NUBPL: variants seen among roughly 807,000 people sequenced by gnomAD.
The protein encoded by NUBPL is iron-sulfur cluster transfer protein NUBPL.
In NUBPL, 31 loss-of-function variants were observed where a neutral mutation model predicts 45.7. The observed-to-expected ratio is 0.68, with a 90% CI of 0.51 to 0.92. NUBPL has a LOEUF of 0.92. NUBPL is among the 40% of genes least tolerant of loss of function. The probability of loss-of-function intolerance (pLI) is 0.00; values close to 1 mark genes in which losing one functional copy is unlikely to be tolerated. For synonymous variants in NUBPL, 144 were observed against 140.9 expected (o/e 1.02, Z -0.15); for missense variants, 401 against 398.7 (o/e 1.01, Z -0.05).
intron 4 of NUBPL, among the ~76,000 whole-genome samples, chr14:31,613,863 C>T (rs1474383496): frequency 6.6e-6 from 1 of 151,258 alleles, no homozygotes; most frequent in African/African-American, 2.4e-5. Flanking sequence ...GTCTCATGTA[C>T]CCCATAAATA....
At chr14:31,773,038 A>C (rs574793835) in intron 6 of NUBPL, among the ~76,000 whole-genome samples, 1 of 152,158 alleles carries the variant, frequency 6.6e-6, no homozygotes, top group Non-Finnish European at 1.5e-5. Flanking sequence ...AACAATCTCA[A>C]GGATGTTTAT....
At chr14:31,562,363 A>G (rs2033311270) in intron 2 of NUBPL, 148 bp downstream of exon 2, 6 of 800,764 alleles carry the variant, frequency 7.5e-6, no homozygotes, top group Non-Finnish European at 1.2e-5. Flanking sequence ...GGTAGCGGGT[A>G]GACGCTTAGA....
At chr14:31,714,400 G>A (rs1053398949) in intron 6 of NUBPL, among the ~76,000 whole-genome samples, 5 of 152,166 alleles carry the variant, frequency 3.3e-5, no homozygotes, top group Non-Finnish European at 5.9e-5. Context: ...AAGCAAAGAG[G>A]TTTAACTGGC....
intron 6 of NUBPL, among the ~76,000 whole-genome samples, chr14:31,754,024 T>G (rs140101508): frequency 1.3e-5 from 2 of 152,214 alleles, no homozygotes; most frequent in African/African-American, 4.8e-5. Flanking sequence ...TATCTTGATA[T>G]AGCCATTCCA....
In NUBPL at chr14:31,859,624, C is replaced by T. The variant is rs10162515; in HGVS notation, c.*444C>T. ...ATCCTGTCTTTGGTACTGTCTTGGACATGTTCTTAATATGAACCTCTGCTT... is the reference window on the plus strand; with the variant it reads ...ATCCTGTCTTTGGTACTGTCTTGGATATGTTCTTAATATGAACCTCTGCTT... On this transcript the variant is annotated 3_prime_UTR_variant, in exon 11 of 11. Transcript: ENST00000281081. 0.13 allele frequency: 33,649 copies of T among 250,350 alleles called. 9,668 individuals are homozygous for T. Among genetic ancestry groups the T allele is most frequent in the African/African-American group, 0.65 (29,036 of 44,906 alleles). 15.5% of individuals were successfully genotyped at this position (250,350 alleles called of 1,614,324 possible).
intron 6 of NUBPL, among the ~76,000 whole-genome samples, chr14:31,748,438 T>C (rs2038447983): frequency 6.6e-6 from 1 of 152,212 alleles, no homozygotes; most frequent in Non-Finnish European, 1.5e-5. Context: ...TTCAGTCTCT[T>C]CCCTTAGACT....
At chr14:31,632,254 TG>T (rs1157098144) in intron 4 of NUBPL, among the ~76,000 whole-genome samples, 2 of 152,236 alleles carry the variant, frequency 1.3e-5, no homozygotes, top group Non-Finnish European at 2.9e-5. Flanking sequence ...CCTGAAGAGT[TG>T]GGGGGAAGGA....
intron 6 of NUBPL, among the ~76,000 whole-genome samples, chr14:31,755,370 G>A (rs949907373): frequency 6.6e-6 from 1 of 152,152 alleles, no homozygotes. Flanking sequence ...GTTGTTTCCT[G>A]ACTTTTCAAT....
intron 7 of NUBPL, among the ~76,000 whole-genome samples, chr14:31,805,112 GAC>G (rs1408816337): frequency 2.0e-5 from 3 of 151,852 alleles, no homozygotes; most frequent in African/African-American, 7.3e-5. Flanking sequence ...GACACGAACA[GAC>G]ACTTTTCAAA....
At chr14:31,815,014 A>G (rs572060886) in intron 7 of NUBPL, among the ~76,000 whole-genome samples, 9 of 152,316 alleles carry the variant, frequency 5.9e-5, no homozygotes, top group East Asian at 1.9e-4. Context: ...TGTCTTGGCT[A>G]TATGGGCTCT....
Position 31,653,947 on chromosome 14 carries a change from C to T in NUBPL, c.383-19408C>T, listed in dbSNP as rs985247115. ...TCTGTTCAGGGTCCCTGACTTCCCA[C>T]AACAATTGTGTGGTTAGTATCTGTC... On this transcript the variant is annotated intron_variant, in intron 4 of 10. Transcript: ENST00000281081. 3 of 305,376 alleles carry T rather than the reference C, an allele frequency of 9.8e-6. No individual in the cohort carries two copies. The Admixed American group carries it at 9.8e-5, about 10-fold the overall frequency. 18.9% of individuals were successfully genotyped at this position (305,376 alleles called of 1,614,324 possible). A position where few individuals can be genotyped will look rare whatever the true frequency, so the allele number is the denominator to read the frequency against.
intron 6 of NUBPL, among the ~76,000 whole-genome samples, chr14:31,748,676 G>A (rs781426580): frequency 5.9e-5 from 9 of 152,054 alleles, no homozygotes; most frequent in Admixed American, 2.0e-4. Flanking sequence ...GCAGTGGAGC[G>A]ATCTCGGCTC....
In NUBPL at chr14:31,754,599, T is replaced by C. The variant is rs1342282895; in HGVS notation, c.514-33181T>C. ...AATGTCAAGAGGGTTTTCTTTTTTT[T>C]TTTTTTTTTTTTTCTATTTGAGATC... On this transcript the variant is annotated intron_variant, in intron 6 of 10. Coordinates refer to ENST00000281081, the MANE Select transcript of NUBPL (RefSeq NM_025152.3). Among the ~76,000 whole-genome samples, 16 of 149,374 alleles carry C rather than the reference T, an allele frequency of 1.1e-4. No individual in the cohort carries two copies. In the East Asian group the frequency reaches 1.7e-3, roughly 16 times the overall value.
intron 4 of NUBPL, among the ~76,000 whole-genome samples, chr14:31,655,352 C>T (rs913367334): frequency 6.6e-6 from 1 of 152,194 alleles, no homozygotes; most frequent in African/African-American, 2.4e-5. Context: ...AGACAACATT[C>T]ATCTGATTGC....
intron 6 of NUBPL, among the ~76,000 whole-genome samples, chr14:31,734,613 C>CTTCA: frequency 6.6e-6 from 1 of 152,130 alleles, no homozygotes; most frequent in African/African-American, 2.4e-5. Flanking sequence ...TTTTAAGTTT[C>CTTCA]TTCTACTTTC....
chr14:31,615,257 A>G (rs2034868165), intron 4 of NUBPL, among the ~76,000 whole-genome samples: 1 of 151,994 alleles, frequency 6.6e-6, no homozygotes, highest in South Asian at 2.1e-4. Flanking sequence ...AAGTTTTCTG[A>G]GGCATCCCCA....
rs1555335618 is a variant in NUBPL, at chr14:31,760,152, A to AGAGAGAGAGATG, written c.514-27618_514-27617insTGGAGAGAGAGA. Among the ~76,000 whole-genome samples the AGAGAGAGAGATG allele has an allele frequency of 8.3e-3, 59 of 7,088 alleles. 1 individual carries two copies. The highest frequency in any genetic ancestry group is 0.024 in the African/African-American group (56 of 2,368). 4.7% of individuals were successfully genotyped at this position (7,088 alleles called of 152,430 possible). A position where few individuals can be genotyped will look rare whatever the true frequency, so the allele number is the denominator to read the frequency against. On this transcript the variant is annotated intron_variant, in intron 6 of 10. Transcript: ENST00000281081. ...GTGTGTGTGTGTGTGTGTGAGAGAG[A>AGAGAGAGAGATG]GAGAGAGAGAGAGAGAGAGAGAGAG... is the stretch of plus-strand genomic sequence containing the variant.
chr14:31,629,914 C>T (rs1004653770), intron 4 of NUBPL, among the ~76,000 whole-genome samples: 3 of 152,038 alleles, frequency 2.0e-5, no homozygotes, highest in African/African-American at 7.2e-5. Context: ...ATGATTTGTG[C>T]TATTAAGATA....
chr14:31,566,445 A>T (rs937896395), intron 3 of NUBPL, among the ~76,000 whole-genome samples: 1 of 152,060 alleles, frequency 6.6e-6, no homozygotes, highest in Non-Finnish European at 1.5e-5. Context: ...TCAAGACAAA[A>T]TTTTTTCTTA....
Sources: allele counts gnomAD v4.1 joint callset (sites outside exome capture counted in the v4.1 genomes callset), GRCh38; gene constraint gnomAD v4.1.1; transcripts MANE v1.5; gene names NCBI Gene and HGNC (gene_info 2026-07-23, HGNC 2026-07-21).